Variants in RASGRF2 observed in about 807,000 individuals in gnomAD.
RASGRF2 encodes the protein ras-specific guanine nucleotide-releasing factor 2.
RASGRF2 carries 76 observed loss-of-function variants against 151.0 expected under a neutral mutation model. The observed-to-expected ratio is 0.50, with a 90% CI of 0.42 to 0.61. RASGRF2 has a LOEUF of 0.61. Ranked by LOEUF, RASGRF2 falls within the 20% of genes least tolerant of loss-of-function variation. The probability of loss-of-function intolerance (pLI) is 0.00; values close to 1 mark genes in which losing one functional copy is unlikely to be tolerated. For missense variants in RASGRF2, 1,148 were observed against 1,564.6 expected, an observed-to-expected ratio of 0.73 and a Z score of 4.49; for synonymous variants, 504 against 566.5, an observed-to-expected ratio of 0.89 and a Z score of 1.57.
In RASGRF2 at chr5:81,024,338, C is replaced by T. The variant is rs190006269; in HGVS notation, c.289-18539C>T. Reference sequence around the variant, plus strand: ...GCAGTGGTGTGATCTCGGCTCACTGCAACCTCCGTCTCCCAGGTTCAAGCA... The same window carrying T: ...GCAGTGGTGTGATCTCGGCTCACTGTAACCTCCGTCTCCCAGGTTCAAGCA... On this transcript the variant is annotated intron_variant, in intron 1 of 26. Transcript: ENST00000265080. Among the ~76,000 whole-genome samples, 240 of 144,406 alleles carry T rather than the reference C, an allele frequency of 1.7e-3. 1 individual carries two copies. The highest frequency in any genetic ancestry group is 2.7e-3 in the Non-Finnish European group (182 of 66,858). 94.7% of individuals were successfully genotyped at this position (144,406 alleles called of 152,430 possible).
intron 1 of RASGRF2, among the ~76,000 whole-genome samples, chr5:80,984,388 C>G (rs1748412443): frequency 1.3e-5 from 2 of 152,200 alleles, no homozygotes; most frequent in African/African-American, 4.8e-5. Context: ...GCAAACATGA[C>G]TGATCCCCAA....
In RASGRF2 at chr5:81,219,710, A is replaced by G. The variant is rs752817737; in HGVS notation, c.3553A>G (p.Ile1185Val). ...TTTGTTTTGTTTTTTTCTCTGTTAG[A>G]TATCACACATCATCAGAGAGATACG... ...GLVNFSKMRM[I>V]SHIIREIRQF... Residue 1185 changes from isoleucine to valine, a missense_variant and splice_region_variant, in exon 26 of 27, where the codon ATA (isoleucine) becomes GTA (valine). Ile to Val is a conservative substitution (Grantham distance 29). This residue lies in a region of RASGRF2 where 100 missense variants were observed against 148.2 expected (regional missense o/e 0.67). Coordinates refer to ENST00000265080, the MANE Select transcript of RASGRF2 (RefSeq NM_006909.3). The G allele has an allele frequency of 5.0e-6, 8 of 1,607,062 alleles. No individual in the cohort carries two copies. The South Asian group carries it at 6.6e-5, about 13-fold the overall frequency.
intron 1 of RASGRF2, among the ~76,000 whole-genome samples, chr5:81,033,896 C>A (rs1750366204): frequency 6.6e-6 from 1 of 152,044 alleles, no homozygotes; most frequent in Admixed American, 6.6e-5. Context: ...TACAATCTAC[C>A]CATCTGACAA....
chr5:81,178,885 C>T (rs1335280288), intron 17 of RASGRF2, among the ~76,000 whole-genome samples: 3 of 152,132 alleles, frequency 2.0e-5, no homozygotes, highest in Non-Finnish European at 4.4e-5. Context: ...ACTACAGGCG[C>T]CCGCCACCAC....
chr5:80,960,867 GTT>G lies in RASGRF2; in HGVS notation c.130_131del (p.Phe44ArgfsTer62). 1 of 1,613,652 alleles carries G rather than the reference GTT, an allele frequency of 6.2e-7. No homozygotes were observed. The highest frequency in any genetic ancestry group is 8.5e-7 in the Non-Finnish European group (1 of 1,179,708). On this transcript the variant is annotated frameshift_variant, in exon 1 of 27. Coordinates refer to ENST00000265080, the MANE Select transcript of RASGRF2 (RefSeq NM_006909.3). LOFTEE classifies it high-confidence loss of function. The surrounding 1 kb of genome is among the most constrained non-coding windows in gnomAD (Gnocchi z 5.5). ...AGGCGAGCCGCTGGCACGAGAAGTG[GTT>G]CGCCCTCTACCAGAATGTGCTCTTC... ...AEASRWHEKW[F>X]ALYQNVLFYF...
chr5:80,982,580 C>CTATTATTATTATTATTATTAT (rs10634471), intron 1 of RASGRF2, among the ~76,000 whole-genome samples: 3,286 of 135,088 alleles, frequency 0.024, 92 homozygotes, highest in East Asian at 0.099. Flanking sequence ...AAATTTGGTT[C>CTATTATTATTATTATTATTAT]TATTATTATT....
intron 1 of RASGRF2, among the ~76,000 whole-genome samples, chr5:80,980,914 G>T (rs1226971490): frequency 6.6e-6 from 1 of 151,824 alleles, no homozygotes; most frequent in Non-Finnish European, 1.5e-5. Context: ...TTCTTCCAGA[G>T]CCCACTTACC....
chr5:81,219,361 A>C (rs1444870371), intron 25 of RASGRF2, among the ~76,000 whole-genome samples: 2 of 152,136 alleles, frequency 1.3e-5, no homozygotes, highest in Non-Finnish European at 2.9e-5. Flanking sequence ...GATTACAGGC[A>C]TGAGCCACCA....
chr5:81,214,876 G>GT (rs1449245517), intron 23 of RASGRF2, among the ~76,000 whole-genome samples: 20 of 152,210 alleles, frequency 1.3e-4, no homozygotes, highest in Admixed American at 1.3e-3. Flanking sequence ...GTAATTATCA[G>GT]TTATACTTCT....
At chr5:80,966,517 A>G (rs1280359056) in intron 1 of RASGRF2, among the ~76,000 whole-genome samples, 1 of 152,198 alleles carries the variant, frequency 6.6e-6, no homozygotes, top group African/African-American at 2.4e-5. Context: ...TATCCATTAC[A>G]TTTTTATTGG....
intron 1 of RASGRF2, 86 bp from the exon 2 acceptor site, chr5:81,042,791 G>A (rs2112394091): frequency 3.3e-6 from 3 of 914,272 alleles, no homozygotes; most frequent in South Asian, 3.1e-5. Context: ...TTGTAAATAT[G>A]TACCCTTTGT....
chr5:81,121,624 C>T (rs772285810), intron 15 of RASGRF2, among the ~76,000 whole-genome samples: 13 of 152,312 alleles, frequency 8.5e-5, no homozygotes, highest in Middle Eastern at 6.8e-3. Flanking sequence ...CCAACTCATT[C>T]CTCACGTCTG....
chr5:81,073,578 G>A (rs1648715103), intron 5 of RASGRF2, 126 bp downstream of exon 5: 1 of 987,458 alleles, frequency 1.0e-6, no homozygotes, highest in African/African-American at 1.7e-5. Flanking sequence ...GTAAAAATAA[G>A]AAAGCTATTA....
chr5:81,141,335 T>A (rs1753880763), intron 17 of RASGRF2, among the ~76,000 whole-genome samples: 1 of 152,204 alleles, frequency 6.6e-6, no homozygotes, highest in South Asian at 2.1e-4. Flanking sequence ...CCACATTTGC[T>A]TTCAGAGGGT....
chr5:81,081,391 C>T (rs1752081976), intron 7 of RASGRF2, among the ~76,000 whole-genome samples: 1 of 152,204 alleles, frequency 6.6e-6, no homozygotes, highest in South Asian at 2.1e-4. Context: ...GCAGGGGCTC[C>T]CTTTCTGGGA....
intron 12 of RASGRF2, among the ~76,000 whole-genome samples, chr5:81,105,406 C>A (rs1752819215): frequency 6.6e-6 from 1 of 152,130 alleles, no homozygotes; most frequent in Non-Finnish European, 1.5e-5. Flanking sequence ...CCTCCAGCGC[C>A]CGTCCCCACC....
At chr5:81,076,377 G>A (rs1342593056) in intron 5 of RASGRF2, among the ~76,000 whole-genome samples, 3 of 152,214 alleles carry the variant, frequency 2.0e-5, no homozygotes, top group Non-Finnish European at 4.4e-5. Context: ...TCAAGAGATT[G>A]TCATTAGCTG....
chr5:81,210,790 G>T (rs1350603150), intron 22 of RASGRF2, among the ~76,000 whole-genome samples: 1 of 152,016 alleles, frequency 6.6e-6, no homozygotes, highest in East Asian at 1.9e-4. Context: ...ATGGCTGCCA[G>T]GTCCTCCATT....
chr5:81,112,621 G>A lies in RASGRF2; in HGVS notation c.1850G>A (p.Arg617His), dbSNP rs199878657. ...GCCTTTGCACGTAGGTCTGATGCCC[G>A]TCTTCATAAAGACGACACTGACATT... Reference protein sequence around the residue: ...TVPHMIKSDARLHKDDTDICF... With the variant: ...TVPHMIKSDAHLHKDDTDICF... Residue 617 changes from arginine (R) to histidine (H), a missense_variant, in exon 14 of 27, where the codon CGT becomes CAT. Arg to His is a conservative substitution (Grantham distance 29). Coordinates refer to ENST00000265080, the MANE Select transcript of RASGRF2 (RefSeq NM_006909.3). The A allele has an allele frequency of 2.1e-5, 34 of 1,613,976 alleles. No homozygotes were observed. The highest frequency in any genetic ancestry group is 1.6e-4 in the Middle Eastern group (1 of 6,084).
Sources: allele counts gnomAD v4.1 joint callset (sites outside exome capture counted in the v4.1 genomes callset), GRCh38; gene constraint gnomAD v4.1.1; regional missense constraint gnomAD v4.1.1; non-coding constraint Gnocchi (gnomAD v3.1); transcripts MANE v1.5; gene names NCBI Gene and HGNC (gene_info 2026-07-23, HGNC 2026-07-21).